Variants in MAPK8IP1 observed in about 807,000 individuals in gnomAD.
The protein encoded by MAPK8IP1 is C-Jun-amino-terminal kinase-interacting protein 1.
In MAPK8IP1, 17 loss-of-function variants were observed where a neutral mutation model predicts 72.6. The observed-to-expected ratio is 0.23, with a 90% CI of 0.16 to 0.35. The LOEUF is 0.35. Among genes scored for constraint, MAPK8IP1 ranks in the 10% least tolerant of loss-of-function variants. The pLI, the probability that MAPK8IP1 is intolerant of heterozygous loss-of-function variation, is 1.00. For synonymous variants in MAPK8IP1, 401 were observed against 443.4 expected, an observed-to-expected ratio of 0.90 and a Z score of 1.20; for missense variants, 789 against 1,009.7, an observed-to-expected ratio of 0.78 and a Z score of 2.96.
chr11:45,900,214 A>G lies in MAPK8IP1; in HGVS notation c.284A>G (p.Asp95Gly). ...SRLQAEMLQMDLIDATGDTPG... is the reference protein window; with the variant it reads ...SRLQAEMLQMGLIDATGDTPG... ...TTGCAGGCCGAGATGCTGCAGATGGACCTGATCGACGCGACGGGGGACACT... is the reference window on the plus strand; with the variant it reads ...TTGCAGGCCGAGATGCTGCAGATGGGCCTGATCGACGCGACGGGGGACACT... The change falls in exon 3 of 12, where the codon GAC (aspartate) becomes GGC (glycine). Residue 95 changes from aspartate (D) to glycine (G), a missense_variant. Physicochemically the swap from Asp to Gly is moderately conservative, Grantham distance 94. Around this residue, in one of 4 missense-constraint regions of MAPK8IP1, gnomAD observed 112 missense variants for 192.8 expected, o/e 0.58. Transcript: ENST00000241014. The surrounding 1 kb of genome is among the most constrained non-coding windows in gnomAD (Gnocchi z 6.5). The G allele has an allele frequency of 7.5e-7, 1 of 1,332,340 alleles. No individual in the cohort carries two copies. Among genetic ancestry groups the G allele is most frequent in the East Asian group, 3.2e-5 (1 of 31,490 alleles). The allele number at this position is 1,332,340 out of a possible 1,614,324, so 82.5% of individuals were successfully genotyped here.
intron 1 of MAPK8IP1, among the ~76,000 whole-genome samples, chr11:45,887,462 A>T (rs186160649): frequency 6.6e-6 from 1 of 152,068 alleles, no homozygotes; most frequent in African/African-American, 2.4e-5. Context: ...TGCCCATTTT[A>T]TAGATGAGGT....
At chr11:45,897,064 C>T (rs1366696021) in intron 1 of MAPK8IP1, 1 of 1,101,802 alleles carries the variant, frequency 9.1e-7, no homozygotes, top group Non-Finnish European at 1.3e-6. Context: ...CTCCTAGGTT[C>T]CCCTGGGGGC....
At position 45,901,986 on chromosome 11, in the gene MAPK8IP1, C is replaced by G; in HGVS notation, c.529C>G (p.Leu177Val). The G allele has an allele frequency of 1.2e-6, 2 of 1,613,832 alleles. No homozygotes were observed. The highest frequency in any genetic ancestry group is 1.7e-6 in the Non-Finnish European group (2 of 1,179,678). ...FPQVPRSQDT[L>V]NNNSLGKKHS... The stretch of plus-strand genomic sequence containing the variant: ...CCTTTTGTTCCCTGCACAGGACACA[C>G]TGAATAATAATTCTCTGGGCAAAAA... Residue 177 changes from leucine (L) to valine (V), a missense_variant, in exon 4 of 12, where the codon CTG (leucine) becomes GTG (valine). By Grantham distance (32) the Leu-to-Val change is conservative. This residue lies in a region of MAPK8IP1 where 112 missense variants were observed against 192.8 expected (regional missense o/e 0.58). Coordinates refer to ENST00000241014, the MANE Select transcript of MAPK8IP1 (RefSeq NM_005456.4).
Position 45,902,669 on chromosome 11 carries a change from C to G in MAPK8IP1, c.902C>G (p.Pro301Arg). 1.2e-6 allele frequency: 2 copies of G among 1,612,240 alleles called. No homozygotes were observed. Among genetic ancestry groups the G allele is most frequent in the African/African-American group, 2.7e-5 (2 of 75,028 alleles). ...GCAGAGCCCACCTCCGCCTTCCTGC[C>G]GCCCACTGAGAGCCGGATGTCAGTC... ...DAAEPTSAFL[P>R]PTESRMSVSS... The change falls in exon 5 of 12, where the codon CCG (proline) becomes CGG (arginine). Residue 301 changes from proline to arginine, a missense_variant. This residue lies in a region of MAPK8IP1 where 377 missense variants were observed against 411.7 expected (regional missense o/e 0.92). Transcript: ENST00000241014. The surrounding 1 kb of genome is among the most constrained non-coding windows in gnomAD (Gnocchi z 9.3).
intron 1 of MAPK8IP1, among the ~76,000 whole-genome samples, chr11:45,889,883 G>A (rs1276697868): frequency 6.6e-6 from 1 of 152,122 alleles, no homozygotes; most frequent in Non-Finnish European, 1.5e-5. Context: ...CTTTGCCTAG[G>A]TCACCAGGGA....
intron 2 of MAPK8IP1, among the ~76,000 whole-genome samples, chr11:45,899,415 C>G (rs928245180): frequency 1.3e-5 from 2 of 152,244 alleles, no homozygotes; most frequent in African/African-American, 4.8e-5. Context: ...TCAGCTCTCT[C>G]AGAGGCTGGG....
chr11:45,903,550 A>G lies in MAPK8IP1; in HGVS notation c.1493+110A>G. 2.2e-6 allele frequency: 2 copies of G among 911,610 alleles called. No homozygotes were observed. Among genetic ancestry groups the G allele is most frequent in the South Asian group, 1.4e-5 (1 of 70,988 alleles). 56.5% of individuals were successfully genotyped at this position (911,610 alleles called of 1,614,324 possible). A position where few individuals can be genotyped will look rare whatever the true frequency, so the allele number is the denominator to read the frequency against. On this transcript the variant is annotated intron_variant, in intron 6 of 11. Transcript: ENST00000241014. This position sits in a 1 kb window ranked among gnomAD's most constrained non-coding sequence, Gnocchi z 6.4. Reference sequence around the variant, plus strand: ...AGCCTAACCCCTGCCATCAGCCTTCATTTATCCACTCAGCCCTGGGAGGAC... The same window carrying G: ...AGCCTAACCCCTGCCATCAGCCTTCGTTTATCCACTCAGCCCTGGGAGGAC...
Position 45,898,301 on chromosome 11 carries a change from CATGAA to C in MAPK8IP1, c.207+121_207+125del, listed in dbSNP as rs1311829808. 10 of 708,578 alleles carry C rather than the reference CATGAA, an allele frequency of 1.4e-5. No individual in the cohort carries two copies. The Middle Eastern group carries it at 9.5e-4, about 68-fold the overall frequency. The allele number at this position is 708,578 out of a possible 1,614,324, so 43.9% of individuals were successfully genotyped here. On this transcript the variant is annotated intron_variant, in intron 2 of 11. Coordinates refer to ENST00000241014, the MANE Select transcript of MAPK8IP1 (RefSeq NM_005456.4). Reference sequence around the variant, plus strand: ...GGTTTCAGGTCTGTGCTGGCACCCTCATGAAATGAAATGATGTGCAAGAAACATAG... The same window carrying C: ...GGTTTCAGGTCTGTGCTGGCACCCTCATGAAATGATGTGCAAGAAACATAG...
At chr11:45,888,724 A>G (rs1295904594) in intron 1 of MAPK8IP1, among the ~76,000 whole-genome samples, 1 of 151,026 alleles carries the variant, frequency 6.6e-6, no homozygotes, top group Admixed American at 6.6e-5. Context: ...ACAGAGTCTC[A>G]CTCTGTCGCC....
chr11:45,901,898 C>T, intron 3 of MAPK8IP1, 82 bp from the exon 4 acceptor site: 1 of 1,039,602 alleles, frequency 9.6e-7, no homozygotes, highest in South Asian at 1.3e-5. Context: ...CTAGGGATGG[C>T]CTGAGGGGGC....
In MAPK8IP1 at chr11:45,885,819, G is replaced by A; in HGVS notation, c.-2G>A. 7.0e-7 allele frequency: 1 copy of A among 1,424,380 alleles called. No homozygotes were observed. Among genetic ancestry groups the A allele is most frequent in the Non-Finnish European group, 9.2e-7 (1 of 1,087,722 alleles). The allele number at this position is 1,424,380 out of a possible 1,614,324, so 88.2% of individuals were successfully genotyped here. ...CCCGGATGGCCAGGGCTGTGCCCGA[G>A]AATGGCGGAGCGAGAAAGCGGCGGC... On this transcript the variant is annotated 5_prime_UTR_variant, in exon 1 of 12. Transcript: ENST00000241014.
intron 1 of MAPK8IP1, among the ~76,000 whole-genome samples, chr11:45,889,758 A>G (rs2086552631): frequency 6.6e-6 from 1 of 152,084 alleles, no homozygotes; most frequent in South Asian, 2.1e-4. Context: ...AAGCTGGGAT[A>G]GAGCCAGGCC....
intron 10 of MAPK8IP1, 39 bp from the exon 11 acceptor site, chr11:45,905,112 C>G: frequency 6.2e-7 from 1 of 1,611,034 alleles, no homozygotes; most frequent in Non-Finnish European, 8.5e-7. Flanking sequence ...GGGTGTGGGC[C>G]GAGCCCCCGT....
At chr11:45,899,214 G>A (rs1356590690) in intron 2 of MAPK8IP1, among the ~76,000 whole-genome samples, 1 of 152,242 alleles carries the variant, frequency 6.6e-6, no homozygotes, top group Non-Finnish European at 1.5e-5. Flanking sequence ...TCAGAGCCCT[G>A]ACTTAGCTTC....
At position 45,886,057 on chromosome 11, in the gene MAPK8IP1, G is replaced by C. The variant is rs1205033373; in HGVS notation, c.101+136G>C. On this transcript the variant is annotated intron_variant, in intron 1 of 11. Transcript: ENST00000241014. ...TGCGTGGGAGTGGGGTCTCTTCCCG[G>C]GACAGAGCCCCCCTCAGAAGCCCCG... The C allele has an allele frequency of 6.1e-6, 3 of 488,086 alleles. No individual in the cohort carries two copies. The Admixed American group carries it at 1.3e-4, about 21-fold the overall frequency. 30.2% of individuals were successfully genotyped at this position (488,086 alleles called of 1,614,324 possible).
intron 10 of MAPK8IP1, 42 bp from the exon 11 acceptor site, chr11:45,905,109 G>A (rs201607437): frequency 6.2e-7 from 1 of 1,611,676 alleles, no homozygotes; most frequent in African/African-American, 1.3e-5. Context: ...GGTGGGTGTG[G>A]GCCGAGCCCC....
intron 1 of MAPK8IP1, among the ~76,000 whole-genome samples, chr11:45,888,271 T>C (rs762112833): frequency 1.3e-5 from 2 of 152,240 alleles, no homozygotes; most frequent in Non-Finnish European, 2.9e-5. Flanking sequence ...ACGGGATAGT[T>C]ACTCAATAAC....
Position 45,904,124 on chromosome 11 carries a change from C to T in MAPK8IP1, c.1629C>T (p.Tyr543=), listed in dbSNP as rs374856732. ...CCCGGGGTGTCTTTCCTGCCTATTACGCCATCGAGGTCACCAAGGAGCCCG... is the reference window on the plus strand; with the variant it reads ...CCCGGGGTGTCTTTCCTGCCTATTATGCCATCGAGGTCACCAAGGAGCCCG... ...TGARGVFPAY[Y]AIEVTKEPEH... Residue 543 remains tyrosine, a synonymous_variant, in exon 7 of 12, where the codon TAC becomes TAT. Coordinates refer to ENST00000241014, the MANE Select transcript of MAPK8IP1 (RefSeq NM_005456.4). This position sits in a 1 kb window ranked among gnomAD's most constrained non-coding sequence, Gnocchi z 6.4. 198 of 1,614,052 alleles carry T rather than the reference C, an allele frequency of 1.2e-4. 2 individuals are homozygous for T. The highest frequency in any genetic ancestry group is 5.6e-4 in the South Asian group (51 of 91,086).
intron 1 of MAPK8IP1, 89 bp downstream of exon 1, chr11:45,886,010 G>A: frequency 1.3e-6 from 1 of 788,112 alleles, no homozygotes; most frequent in African/African-American, 1.8e-5. Flanking sequence ...CCAGAACCTC[G>A]GGAACCCGGG....
Sources: gnomAD v4.1 joint callset for allele counts (sites outside exome capture counted in the v4.1 genomes callset) on GRCh38, gnomAD v4.1.1 for gene constraint, gnomAD v4.1.1 regional missense constraint, Gnocchi (gnomAD v3.1) non-coding constraint, MANE v1.5 for transcripts, NCBI Gene and HGNC (gene_info 2026-07-23, HGNC 2026-07-21) for gene names.